RGS6: variants seen among roughly 807,000 people sequenced by gnomAD.
RGS6 encodes the protein regulator of G protein signaling 6, also known as regulator of G-protein signaling 6.
Under a neutral mutation model 78.5 loss-of-function variants are expected in RGS6, and 30 were observed. The observed-to-expected ratio is 0.38, with a 90% CI of 0.29 to 0.52. The LOEUF (loss-of-function observed/expected upper bound fraction) is 0.52, where lower values mean the gene tolerates loss of function less well. RGS6 is among the 20% of genes least tolerant of loss of function. The pLI, the probability that RGS6 is intolerant of heterozygous loss-of-function variation, is 0.85. For missense variants in RGS6, 495 were observed against 609.7 expected (o/e 0.81, Z 1.98); for synonymous variants, 206 against 206.0 (o/e 1.00, Z 0.00).
At chr14:71,901,829 C>T in the RGS6 span, among the ~76,000 whole-genome samples, 1 of 152,170 alleles carries the variant, frequency 6.6e-6, no homozygotes. Context: ...TAGAGGATTA[C>T]ATCTTGATTA....
At chr14:72,016,608 G>A (rs566210694) in intron 2 of RGS6, among the ~76,000 whole-genome samples, 3 of 152,214 alleles carry the variant, frequency 2.0e-5, no homozygotes, top group African/African-American at 7.2e-5. Context: ...CTCGTGATCC[G>A]CCCTCCTCGG....
chr14:72,218,855 C>A (rs945979991), intron 2 of RGS6, among the ~76,000 whole-genome samples: 2 of 151,956 alleles, frequency 1.3e-5, no homozygotes, highest in African/African-American at 2.4e-5. Flanking sequence ...CATGATCCAC[C>A]CACCTTGGCC....
chr14:71,898,388 G>A, the RGS6 span, among the ~76,000 whole-genome samples: 1 of 152,102 alleles, frequency 6.6e-6, no homozygotes, highest in South Asian at 2.1e-4. Flanking sequence ...AGTGAAATCT[G>A]GTAGAAATAT....
At chr14:72,372,423 A>G (rs921231077) in intron 3 of RGS6, among the ~76,000 whole-genome samples, 1 of 152,244 alleles carries the variant, frequency 6.6e-6, no homozygotes, top group African/African-American at 2.4e-5. Context: ...TCATTGGCTC[A>G]GGATTTTCTA....
chr14:72,304,413 A>G (rs2066779403), intron 2 of RGS6, among the ~76,000 whole-genome samples: 1 of 152,224 alleles, frequency 6.6e-6, no homozygotes, highest in Non-Finnish European at 1.5e-5. Flanking sequence ...AATAGGAACC[A>G]ATTTACTTAT....
chr14:72,137,857 T>G (rs939842670), intron 2 of RGS6, among the ~76,000 whole-genome samples: 2 of 152,130 alleles, frequency 1.3e-5, no homozygotes, highest in African/African-American at 4.8e-5. Context: ...ATAGGCACAA[T>G]TGTTTAAATC....
At chr14:72,562,320 A>G (rs2097686766) in intron 17 of RGS6, 97 bp from the exon 18 acceptor site, 2 of 1,275,928 alleles carry the variant, frequency 1.6e-6, no homozygotes, top group South Asian at 2.4e-5. Context: ...TTTGGCCTAC[A>G]TGGCTCATGC....
the RGS6 span, among the ~76,000 whole-genome samples, chr14:71,887,245 C>T: frequency 3.9e-5 from 6 of 152,122 alleles, no homozygotes; most frequent in African/African-American, 1.4e-4. Context: ...ACCTCAGGAC[C>T]ACTGTGATAA....
At chr14:72,115,069 C>T (rs1278395937) in intron 2 of RGS6, among the ~76,000 whole-genome samples, 1 of 152,166 alleles carries the variant, frequency 6.6e-6, no homozygotes, top group Non-Finnish European at 1.5e-5. Context: ...AAATCTATTT[C>T]CTTCTAATAA....
At chr14:71,994,758 A>G (rs560507999) in intron 2 of RGS6, among the ~76,000 whole-genome samples, 44 of 152,042 alleles carry the variant, frequency 2.9e-4, no homozygotes, top group African/African-American at 1.0e-3. Flanking sequence ...CAGAAGCTAG[A>G]AGAGAGGCCT....
chr14:72,288,442 A>AG (rs1302217527), intron 2 of RGS6, among the ~76,000 whole-genome samples: 1 of 152,224 alleles, frequency 6.6e-6, no homozygotes, highest in East Asian at 1.9e-4. Context: ...CAGTTTGGCT[A>AG]GGGGGCTACC....
At chr14:72,017,785 C>A (rs1409421420) in intron 2 of RGS6, among the ~76,000 whole-genome samples, 1 of 150,974 alleles carries the variant, frequency 6.6e-6, no homozygotes, top group African/African-American at 2.4e-5. Context: ...TTTTCTTCAA[C>A]TTTTATTTTA....
chr14:72,203,848 A>G (rs1350940202), intron 2 of RGS6, among the ~76,000 whole-genome samples: 1 of 131,378 alleles, frequency 7.6e-6, no homozygotes, highest in Non-Finnish European at 1.6e-5. Context: ...TTTTTGAGAC[A>G]GAGTCATGCT....
the RGS6 span, among the ~76,000 whole-genome samples, chr14:71,905,037 T>C: frequency 2.0e-5 from 3 of 152,156 alleles, no homozygotes; most frequent in Admixed American, 1.3e-4. Flanking sequence ...TTAATAACAC[T>C]CTTAGCTGGT....
At chr14:72,036,478 C>A (rs1441779860) in intron 2 of RGS6, among the ~76,000 whole-genome samples, 1 of 152,062 alleles carries the variant, frequency 6.6e-6, no homozygotes, top group Non-Finnish European at 1.5e-5. Context: ...GAGAAACTGC[C>A]ACACTGTTTG....
At chr14:72,313,145 T>C (rs889028098) in intron 2 of RGS6, among the ~76,000 whole-genome samples, 3 of 152,206 alleles carry the variant, frequency 2.0e-5, no homozygotes, top group African/African-American at 7.2e-5. Flanking sequence ...CAGTTGGGGA[T>C]AGCGTCCTAC....
At chr14:72,457,973 T>C (rs1452588799) in intron 4 of RGS6, among the ~76,000 whole-genome samples, 1 of 152,214 alleles carries the variant, frequency 6.6e-6, no homozygotes, top group Non-Finnish European at 1.5e-5. Flanking sequence ...TACAGGTTCT[T>C]CTATGCCAGA....
At chr14:72,350,026 C>T (rs1305995275) in intron 2 of RGS6, among the ~76,000 whole-genome samples, 1 of 152,298 alleles carries the variant, frequency 6.6e-6, no homozygotes, top group African/African-American at 2.4e-5. Context: ...ACTCAAATTG[C>T]TCTAAATTGT....
chr14:71,991,691 T>G (rs2094960758), intron 2 of RGS6, among the ~76,000 whole-genome samples: 1 of 152,234 alleles, frequency 6.6e-6, no homozygotes, highest in Admixed American at 6.5e-5. Flanking sequence ...GGTACATATT[T>G]TAACAGAAAT....
Sources: allele counts gnomAD v4.1 joint callset (sites outside exome capture counted in the v4.1 genomes callset), GRCh38; gene constraint gnomAD v4.1.1; transcripts MANE v1.5; gene names NCBI Gene and HGNC (gene_info 2026-07-23, HGNC 2026-07-21).